The following CYTH3 variants were observed in gnomAD, a reference collection of about 807,000 sequenced individuals.
CYTH3 encodes the protein cytohesin 3.
CYTH3 carries 23 observed loss-of-function variants against 55.1 expected under a neutral mutation model. The observed-to-expected ratio is 0.42, with a 90% CI of 0.30 to 0.59. The LOEUF is 0.59. Ranked by LOEUF, CYTH3 falls within the 20% of genes least tolerant of loss-of-function variation. The probability of loss-of-function intolerance (pLI) is 0.20; values close to 1 mark genes in which losing one functional copy is unlikely to be tolerated. For missense variants in CYTH3, 413 were observed against 524.8 expected, an observed-to-expected ratio of 0.79 and a Z score of 2.08; for synonymous variants, 249 against 194.9, an observed-to-expected ratio of 1.28 and a Z score of -2.31.
intron 1 of CYTH3, among the ~76,000 whole-genome samples, chr7:6,232,793 C>A (rs1000510807): frequency 5.3e-5 from 8 of 152,164 alleles, no homozygotes; most frequent in Non-Finnish European, 8.8e-5. Flanking sequence ...GGTTCTGTAA[C>A]TTCCCCCACA....
At position 6,164,505 on chromosome 7, in the gene CYTH3, TTAA is replaced by T. The variant is rs1292087555; in HGVS notation, c.*436_*438del. On this transcript the variant is annotated 3_prime_UTR_variant, in exon 13 of 13. Transcript: ENST00000350796. ...ATAAAACAGTGGCTTTCTAGAACGG[TTAA>T]TACTGCCCCGAGTGAATGCGTTTGG... 6.0e-6 allele frequency: 1 copy of T among 165,876 alleles called. No homozygotes were observed. The highest frequency in any genetic ancestry group is 2.4e-5 in the African/African-American group (1 of 41,812). 10.3% of individuals were successfully genotyped at this position (165,876 alleles called of 1,614,324 possible).
intron 4 of CYTH3, 48 bp downstream of exon 4, chr7:6,187,002 C>T: frequency 6.3e-7 from 1 of 1,578,866 alleles, no homozygotes; most frequent in South Asian, 1.1e-5. Context: ...CAGTTCAAAT[C>T]AATTAGTCCA....
rs556910732 is a variant in CYTH3, at chr7:6,194,050, A to T, written c.35-3519T>A. 2.6e-5 allele frequency among the ~76,000 whole-genome samples: 4 copies of T among 152,292 alleles called. No homozygotes were observed. The South Asian group carries it at 8.3e-4, about 32-fold the overall frequency. ...AGTACACCCACATCACCCTACAGAG[A>T]AACAGTCAACACGGCCTTCTGCTGC... is the stretch of plus-strand genomic sequence containing the variant. On this transcript the variant is annotated intron_variant, in intron 1 of 12. Coordinates refer to ENST00000350796, the MANE Select transcript of CYTH3 (RefSeq NM_004227.4).
intron 4 of CYTH3, among the ~76,000 whole-genome samples, chr7:6,179,312 TA>T (rs1333285029): frequency 2.0e-5 from 3 of 152,062 alleles, no homozygotes; most frequent in African/African-American, 7.2e-5. Context: ...AGGCAAAACT[TA>T]TGGTGATTAA....
At chr7:6,188,829 C>A (rs1485889104) in intron 2 of CYTH3, 1 of 152,166 alleles carries the variant, frequency 6.6e-6, no homozygotes, top group Non-Finnish European at 1.5e-5. Flanking sequence ...AATATACATC[C>A]TTATTCTTCA....
At chr7:6,259,417 C>G (rs1167660729) in intron 1 of CYTH3, among the ~76,000 whole-genome samples, 1 of 151,936 alleles carries the variant, frequency 6.6e-6, no homozygotes, top group Non-Finnish European at 1.5e-5. Flanking sequence ...CAAGTCAGCT[C>G]AAAGAGTAAA....
At chr7:6,194,772 C>T (rs187235969) in intron 1 of CYTH3, among the ~76,000 whole-genome samples, 232 of 152,214 alleles carry the variant, frequency 1.5e-3, no homozygotes, top group African/African-American at 5.3e-3. Context: ...GTCAAGAGAT[C>T]GAGAGCATCC....
rs1783052170 is a variant in CYTH3 at position 6,167,621 on chromosome 7, G to C, written c.824-1811C>G. On this transcript the variant is annotated intron_variant, in intron 9 of 12. Transcript: ENST00000350796. This position sits in a 1 kb window ranked among gnomAD's most constrained non-coding sequence, Gnocchi z 5.5. ...CCCCCAAAGGGTCCCACTGCACTCA[G>C]CTTTAAACCCAACTCCTTGGGCGGC... 6.6e-6 allele frequency among the ~76,000 whole-genome samples: 1 copy of C among 152,240 alleles called. No homozygotes were observed. Among genetic ancestry groups the C allele is most frequent in the South Asian group, 2.1e-4 (1 of 4,838 alleles).
intron 1 of CYTH3, among the ~76,000 whole-genome samples, chr7:6,232,240 T>A (rs1779406445): frequency 6.6e-6 from 1 of 152,204 alleles, no homozygotes; most frequent in Non-Finnish European, 1.5e-5. Flanking sequence ...TCTCCAATCT[T>A]GGGAGTACCA....
chr7:6,231,266 C>T (rs115384640), intron 1 of CYTH3, among the ~76,000 whole-genome samples: 3,456 of 152,250 alleles, frequency 0.023, 128 homozygotes, highest in African/African-American at 0.077. Context: ...ATAAACTCTA[C>T]GAGAGAAAAG....
intron 1 of CYTH3, among the ~76,000 whole-genome samples, chr7:6,219,328 G>A (rs529535650): frequency 1.3e-5 from 2 of 152,278 alleles, no homozygotes; most frequent in East Asian, 1.9e-4. Flanking sequence ...TTCTTCTTGC[G>A]CTTATAGTAA....
At chr7:6,198,935 G>T (rs1434557919) in intron 1 of CYTH3, among the ~76,000 whole-genome samples, 1 of 152,194 alleles carries the variant, frequency 6.6e-6, no homozygotes, top group Non-Finnish European at 1.5e-5. Flanking sequence ...GATGGAGGAG[G>T]TTGGACACAC....
Position 6,173,634 on chromosome 7 carries a change from A to G in CYTH3, c.449+19T>C, listed in dbSNP as rs1783258457. 4 of 1,567,960 alleles carry G rather than the reference A, an allele frequency of 2.6e-6. No homozygotes were observed. In the South Asian group the frequency reaches 3.3e-5, roughly 13 times the overall value. On this transcript the variant is annotated intron_variant, in intron 6 of 12. Coordinates refer to ENST00000350796, the MANE Select transcript of CYTH3 (RefSeq NM_004227.4). ...GGCCTTCCCCATCCACTCTACACCC[A>G]GCAAATGATCATACTTACCTTAAGG... is the stretch of plus-strand genomic sequence containing the variant.
intron 5 of CYTH3, among the ~76,000 whole-genome samples, chr7:6,175,262 G>A (rs1043802054): frequency 6.6e-6 from 1 of 152,110 alleles, no homozygotes; most frequent in East Asian, 1.9e-4. Flanking sequence ...CAAGGAATCT[G>A]TAACTGATGA....
intron 2 of CYTH3, among the ~76,000 whole-genome samples, chr7:6,189,190 G>C (rs536451043): frequency 6.6e-6 from 1 of 152,166 alleles, no homozygotes; most frequent in South Asian, 2.1e-4. Context: ...GCTCTCCCAC[G>C]CCGAGACGGT....
At position 6,180,634 on chromosome 7, in the gene CYTH3, T is replaced by C. The variant is rs193247521; in HGVS notation, c.250-2693A>G. 1.8e-4 allele frequency among the ~76,000 whole-genome samples: 28 copies of C among 152,382 alleles called. 1 individual carries two copies. The highest frequency in any genetic ancestry group is 1.7e-3 in the Admixed American group (26 of 15,310). ...CTCTTGTTTTAAACCACCCCGTTGC[T>C]GGTCATTTGTCATGGCAGCCCTAGA... On this transcript the variant is annotated intron_variant, in intron 4 of 12. Transcript: ENST00000350796.
intron 1 of CYTH3, among the ~76,000 whole-genome samples, chr7:6,219,627 C>A (rs1784502666): frequency 6.6e-6 from 1 of 152,148 alleles, no homozygotes; most frequent in African/African-American, 2.4e-5. Context: ...GGAATAGAAA[C>A]AGAACCGCAC....
intron 1 of CYTH3, among the ~76,000 whole-genome samples, chr7:6,227,082 A>C (rs1779275702): frequency 6.6e-6 from 1 of 151,652 alleles, no homozygotes; most frequent in South Asian, 2.1e-4. Context: ...TCTGTCTAAA[A>C]AAAAAAAAAA....
intron 12 of CYTH3, 30 bp from the exon 13 acceptor site, chr7:6,165,046 G>A: frequency 1.9e-6 from 3 of 1,613,734 alleles, no homozygotes; most frequent in Non-Finnish European, 2.5e-6. Flanking sequence ...ACACAGGTTA[G>A]GTCGTGGGTG....
Sources: allele counts gnomAD v4.1 joint callset (sites outside exome capture counted in the v4.1 genomes callset), GRCh38; gene constraint gnomAD v4.1.1; non-coding constraint Gnocchi (gnomAD v3.1); transcripts MANE v1.5; gene names NCBI Gene and HGNC (gene_info 2026-07-23, HGNC 2026-07-21).